The following PSTPIP2 variants were observed in gnomAD, a reference collection of about 807,000 sequenced individuals.
The protein encoded by PSTPIP2 is proline-serine-threonine phosphatase interacting protein 2, also known as proline-serine-threonine phosphatase-interacting protein 2.
A neutral mutation model predicts 63.3 loss-of-function variants in PSTPIP2; 33 were observed. The observed-to-expected ratio is 0.52, with a 90% CI of 0.40 to 0.70. The LOEUF is 0.70. Ranked by LOEUF, PSTPIP2 falls within the 30% of genes least tolerant of loss-of-function variation. The pLI, the probability that PSTPIP2 is intolerant of heterozygous loss-of-function variation, is 0.00. For synonymous variants in PSTPIP2, 125 were observed against 132.7 expected (o/e 0.94, Z 0.40); for missense variants, 312 against 400.7 (o/e 0.78, Z 1.89).
At chr18:45,991,126 G>T (rs2051527066) in intron 12 of PSTPIP2, among the ~76,000 whole-genome samples, 1 of 152,158 alleles carries the variant, frequency 6.6e-6, no homozygotes, top group Non-Finnish European at 1.5e-5. Context: ...ATTAAATCAG[G>T]TAATTCACAC....
At chr18:46,025,303 A>T (rs1907536752) in intron 2 of PSTPIP2, among the ~76,000 whole-genome samples, 1 of 152,170 alleles carries the variant, frequency 6.6e-6, no homozygotes, top group Admixed American at 6.5e-5. Flanking sequence ...GATTTAAAAA[A>T]ATTATATAAG....
Position 46,011,078 on chromosome 18 carries a change from A to T in PSTPIP2, c.354+103T>A, listed in dbSNP as rs151328655. Reference sequence around the variant, plus strand: ...CCAGTAAGTAATTTCTCAGGTCATGATTACATGATGGTGGGAGCTGAGCTG... The same window carrying T: ...CCAGTAAGTAATTTCTCAGGTCATGTTTACATGATGGTGGGAGCTGAGCTG... On this transcript the variant is annotated intron_variant, in intron 5 of 14. Transcript: ENST00000409746. 2.4e-4 allele frequency: 233 copies of T among 965,488 alleles called. No homozygotes were observed. In the African/African-American group the frequency reaches 3.1e-3, roughly 13 times the overall value. 59.8% of individuals were successfully genotyped at this position (965,488 alleles called of 1,614,324 possible).
intron 1 of PSTPIP2, among the ~76,000 whole-genome samples, chr18:46,054,584 G>C (rs1599744647): frequency 1.3e-5 from 2 of 152,190 alleles, no homozygotes; most frequent in Admixed American, 1.3e-4. Context: ...AGGAAAAATA[G>C]GGAGAACGGA....
intron 6 of PSTPIP2, among the ~76,000 whole-genome samples, chr18:46,003,923 A>AT (rs569661458): frequency 0.052 from 7,394 of 142,742 alleles, 499 homozygotes; most frequent in African/African-American, 0.16. Flanking sequence ...CACCCAGCTA[A>AT]TTTTTTTTTT....
chr18:46,072,044 G>A, intron 1 of PSTPIP2, 112 bp downstream of exon 1: 2 of 1,307,022 alleles, frequency 1.5e-6, no homozygotes, highest in Non-Finnish European at 2.0e-6. Flanking sequence ...GCCCCCGGGC[G>A]CGCGGTCACC....
intron 8 of PSTPIP2, 82 bp from the exon 9 acceptor site, chr18:45,997,910 G>T: frequency 8.0e-7 from 1 of 1,248,798 alleles, no homozygotes; most frequent in Non-Finnish European, 1.2e-6. Flanking sequence ...GTCTCAGATG[G>T]CAAAAGAAAC....
chr18:46,049,815 G>A (rs1189468956), intron 1 of PSTPIP2, among the ~76,000 whole-genome samples: 3 of 152,192 alleles, frequency 2.0e-5, no homozygotes, highest in Non-Finnish European at 4.4e-5. Context: ...GGGAGATGGA[G>A]GTTGCAGTGA....
At position 46,038,739 on chromosome 18, in the gene PSTPIP2, G is replaced by A. The variant is rs550752511; in HGVS notation, c.134+1208C>T. On this transcript the variant is annotated intron_variant, in intron 2 of 14. Coordinates refer to ENST00000409746, the MANE Select transcript of PSTPIP2 (RefSeq NM_024430.4). ...CGCTGACAGTAGCCGAGCCTCTCTT[G>A]GTTCACCCGTCCTCAGGCCTCCAGG... Among the ~76,000 whole-genome samples, 8 of 152,306 alleles carry A rather than the reference G, an allele frequency of 5.3e-5. 1 individual carries two copies. The highest frequency in any genetic ancestry group is 1.9e-4 in the African/African-American group (8 of 41,562).
chr18:46,036,573 G>A (rs1907988174), intron 2 of PSTPIP2, among the ~76,000 whole-genome samples: 1 of 152,204 alleles, frequency 6.6e-6, no homozygotes, highest in African/African-American at 2.4e-5. Flanking sequence ...TGGGTGGCAA[G>A]AAAGGCAGCC....
intron 5 of PSTPIP2, 78 bp from the exon 6 acceptor site, chr18:46,005,609 C>G: frequency 1.8e-6 from 2 of 1,100,240 alleles, no homozygotes; most frequent in East Asian, 2.7e-5. Context: ...TCAATACCAG[C>G]TTATCTTGAG....
At chr18:46,065,597 G>A (rs868811522) in intron 1 of PSTPIP2, among the ~76,000 whole-genome samples, 6 of 152,078 alleles carry the variant, frequency 3.9e-5, no homozygotes, top group Non-Finnish European at 7.4e-5. Flanking sequence ...CTCCCGAGTC[G>A]CTGGGACTAC....
At chr18:46,029,105 G>T in intron 2 of PSTPIP2, 1 of 822,544 alleles carries the variant, frequency 1.2e-6, no homozygotes, top group Non-Finnish European at 2.2e-6. Flanking sequence ...CAAACTGTAA[G>T]GCTTATTTTA....
intron 3 of PSTPIP2, among the ~76,000 whole-genome samples, chr18:46,020,123 C>T (rs1156357355): frequency 6.6e-6 from 1 of 152,188 alleles, no homozygotes; most frequent in East Asian, 1.9e-4. Flanking sequence ...ACTTCATTGC[C>T]ATTCCTCGTG....
chr18:46,065,578 T>C (rs559553556), intron 1 of PSTPIP2, among the ~76,000 whole-genome samples: 1 of 152,298 alleles, frequency 6.6e-6, no homozygotes, highest in African/African-American at 2.4e-5. Context: ...GTGATTCTCC[T>C]GCCTCAGCCT....
chr18:46,057,997 CA>C (rs71177701), intron 1 of PSTPIP2, among the ~76,000 whole-genome samples: 1,822 of 100,454 alleles, frequency 0.018, 23 homozygotes, highest in African/African-American at 0.048. Context: ...GACTCCGTCT[CA>C]AAAAAAAAAA....
At chr18:46,072,124 C>A in intron 1 of PSTPIP2, 32 bp downstream of exon 1, 2 of 1,526,912 alleles carry the variant, frequency 1.3e-6, no homozygotes, top group Non-Finnish European at 1.8e-6. Flanking sequence ...GGGTCCTGAG[C>A]CCCGCGATCC....
chr18:46,066,699 A>T (rs189940773), intron 1 of PSTPIP2, among the ~76,000 whole-genome samples: 2 of 152,282 alleles, frequency 1.3e-5, no homozygotes, highest in Admixed American at 1.3e-4. Flanking sequence ...TCCTCATGCA[A>T]GACCACCAGC....
chr18:46,016,224 A>G (rs1256271797), intron 3 of PSTPIP2: 8 of 352,696 alleles, frequency 2.3e-5, no homozygotes, highest in Non-Finnish European at 3.7e-5. Context: ...TCCTTTTCTC[A>G]TAAGAATACC....
At position 46,055,083 on chromosome 18, in the gene PSTPIP2, G is replaced by A. The variant is rs186010847; in HGVS notation, c.34-15036C>T. On this transcript the variant is annotated intron_variant, in intron 1 of 14. Coordinates refer to ENST00000409746, the MANE Select transcript of PSTPIP2 (RefSeq NM_024430.4). ...CCAGTTCCTGCTTCCTACTAAAGTC[G>A]CACTGGTCTTTCTGTTCCTCTAACT... Among the ~76,000 whole-genome samples the A allele has an allele frequency of 2.0e-3, 311 of 152,170 alleles. 3 individuals are homozygous for A. Among genetic ancestry groups the A allele is most frequent in the Admixed American group, 0.015 (234 of 15,276 alleles).
Sources: allele counts gnomAD v4.1 joint callset (sites outside exome capture counted in the v4.1 genomes callset), GRCh38; gene constraint gnomAD v4.1.1; transcripts MANE v1.5; gene names NCBI Gene and HGNC (gene_info 2026-07-23, HGNC 2026-07-21).